The following EYA2 variants were observed in gnomAD, a reference collection of about 807,000 sequenced individuals.
The protein encoded by EYA2 is EYA transcriptional coactivator and phosphatase 2, also known as protein phosphatase EYA2.
In EYA2, 31 loss-of-function variants were observed where a neutral mutation model predicts 69.2. The ratio of observed to expected loss-of-function variants is 0.45; its 90% confidence interval spans 0.34 to 0.60. The LOEUF (loss-of-function observed/expected upper bound fraction) is 0.60. EYA2 is among the 20% of genes least tolerant of loss of function. The probability of loss-of-function intolerance (pLI) is 0.02; values close to 1 mark genes in which losing one functional copy is unlikely to be tolerated. For missense variants in EYA2, 622 were observed against 701.2 expected, an observed-to-expected ratio of 0.89 and a Z score of 1.28; for synonymous variants, 257 against 279.4, an observed-to-expected ratio of 0.92 and a Z score of 0.80.
chr20:47,119,835 G>A lies in EYA2; in HGVS notation c.888+22667G>A, dbSNP rs1217507772. On this transcript the variant is annotated intron_variant, in intron 9 of 15. Coordinates refer to ENST00000327619, the MANE Select transcript of EYA2 (RefSeq NM_005244.5). Reference sequence around the variant, plus strand: ...TAATCCCAGCATTTCAGGAGGCTGAGGTGAGAGGATAGCTTGAGCTTAGGA... The same window carrying A: ...TAATCCCAGCATTTCAGGAGGCTGAAGTGAGAGGATAGCTTGAGCTTAGGA... 3.3e-5 allele frequency among the ~76,000 whole-genome samples: 5 copies of A among 152,356 alleles called. No homozygotes were observed. The South Asian group carries it at 8.3e-4, about 25-fold the overall frequency.
At chr20:47,099,683 TTTA>T (rs1306613070) in intron 9 of EYA2, among the ~76,000 whole-genome samples, 4 of 152,188 alleles carry the variant, frequency 2.6e-5, no homozygotes, top group African/African-American at 9.7e-5. Context: ...AGAATGTTCT[TTTA>T]TTAAGTTAAA....
At chr20:46,941,410 A>G (rs1986150261) in intron 1 of EYA2, among the ~76,000 whole-genome samples, 1 of 152,218 alleles carries the variant, frequency 6.6e-6, no homozygotes, top group Non-Finnish European at 1.5e-5. Context: ...GGCCTTTCAT[A>G]GCCTCCTTCA....
chr20:46,999,444 G>T (rs1187371493), intron 2 of EYA2, among the ~76,000 whole-genome samples: 1 of 152,130 alleles, frequency 6.6e-6, no homozygotes, highest in Non-Finnish European at 1.5e-5. Flanking sequence ...GGCTACTGTT[G>T]TTCCATCCTT....
chr20:47,023,211 A>G (rs925791210), intron 5 of EYA2, among the ~76,000 whole-genome samples: 1 of 152,230 alleles, frequency 6.6e-6, no homozygotes, highest in Non-Finnish European at 1.5e-5. Context: ...ATCTTTTTGC[A>G]AACATAAGTA....
intron 9 of EYA2, 119 bp downstream of exon 9, chr20:47,097,287 T>A: frequency 9.6e-6 from 7 of 731,570 alleles, no homozygotes; most frequent in Non-Finnish European, 1.1e-5. Context: ...AAAGCTGCCC[T>A]TTGGGGTCAG....
intron 5 of EYA2, 150 bp from the exon 6 acceptor site, chr20:47,072,035 G>C (rs2031331340): frequency 1.4e-6 from 1 of 719,428 alleles, no homozygotes; most frequent in East Asian, 2.5e-5. Flanking sequence ...GGGAACGCTG[G>C]TGTGAGGCAT....
chr20:46,994,933 T>C (rs1007933122), intron 2 of EYA2, among the ~76,000 whole-genome samples: 3 of 150,964 alleles, frequency 2.0e-5, no homozygotes, highest in Non-Finnish European at 4.4e-5. Context: ...CGAGTTTCGC[T>C]CTTGCGAACC....
At chr20:47,169,757 A>C (rs1485084984) in intron 11 of EYA2, among the ~76,000 whole-genome samples, 1 of 152,056 alleles carries the variant, frequency 6.6e-6, no homozygotes, top group East Asian at 1.9e-4. Flanking sequence ...TCTCTCCTCC[A>C]ATCAAGGGTC....
chr20:46,919,666 G>T (rs1187962617), intron 1 of EYA2, among the ~76,000 whole-genome samples: 1 of 152,230 alleles, frequency 6.6e-6, no homozygotes, highest in East Asian at 1.9e-4. Context: ...TCAGCAATAA[G>T]ACTGTTTTGC....
intron 1 of EYA2, among the ~76,000 whole-genome samples, chr20:46,918,038 C>T (rs1034077778): frequency 6.6e-6 from 1 of 152,126 alleles, no homozygotes; most frequent in African/African-American, 2.4e-5. Context: ...AGTCAGTTCT[C>T]GGCTGGGCGT....
At chr20:46,986,927 C>T (rs966026874) in intron 1 of EYA2, among the ~76,000 whole-genome samples, 4 of 152,116 alleles carry the variant, frequency 2.6e-5, no homozygotes, top group African/African-American at 9.7e-5. Flanking sequence ...AAGTCCAAAC[C>T]ATATCAGGGT....
chr20:47,031,050 G>A (rs1209588692), intron 5 of EYA2, among the ~76,000 whole-genome samples: 3 of 152,198 alleles, frequency 2.0e-5, no homozygotes. Context: ...GAATCTGGGG[G>A]CCACAATTCA....
chr20:47,044,558 G>T (rs910915638), intron 5 of EYA2, among the ~76,000 whole-genome samples: 2 of 152,196 alleles, frequency 1.3e-5, no homozygotes, highest in African/African-American at 2.4e-5. Flanking sequence ...GTTCAACCAG[G>T]TGGTCAGGCT....
chr20:47,150,622 C>G (rs1044549179), intron 10 of EYA2, among the ~76,000 whole-genome samples: 6 of 151,968 alleles, frequency 3.9e-5, no homozygotes, highest in African/African-American at 1.4e-4. Context: ...CAGGCGTCAC[C>G]ATGCTCCGCT....
intron 15 of EYA2, among the ~76,000 whole-genome samples, chr20:47,186,099 C>A (rs931222751): frequency 2.0e-5 from 3 of 152,144 alleles, no homozygotes; most frequent in Non-Finnish European, 4.4e-5. Flanking sequence ...ACACACAAAG[C>A]TGCTTTCTAC....
chr20:46,908,722 T>C (rs1023369745), intron 1 of EYA2, among the ~76,000 whole-genome samples: 7 of 151,990 alleles, frequency 4.6e-5, no homozygotes, highest in African/African-American at 1.7e-4. Flanking sequence ...ATCTGAATTT[T>C]TAAGAGAAAT....
chr20:47,114,092 C>T (rs2032826267), intron 9 of EYA2, among the ~76,000 whole-genome samples: 1 of 152,152 alleles, frequency 6.6e-6, no homozygotes, highest in African/African-American at 2.4e-5. Context: ...TCACAGGCAG[C>T]CTCAAAGGCT....
chr20:47,031,523 G>A (rs982492421), intron 5 of EYA2, among the ~76,000 whole-genome samples: 2 of 152,204 alleles, frequency 1.3e-5, no homozygotes, highest in African/African-American at 4.8e-5. Context: ...CAGACACAGT[G>A]AAGCCAGTAT....
intron 9 of EYA2, 122 bp downstream of exon 9, chr20:47,097,290 G>T: frequency 1.4e-6 from 1 of 714,626 alleles, no homozygotes; most frequent in Admixed American, 2.8e-5. Context: ...GCTGCCCTTT[G>T]GGGTCAGCCC....
Sources: gnomAD v4.1 joint callset for allele counts (sites outside exome capture counted in the v4.1 genomes callset) on GRCh38, gnomAD v4.1.1 for gene constraint, MANE v1.5 for transcripts, NCBI Gene and HGNC (gene_info 2026-07-23, HGNC 2026-07-21) for gene names.